Variants in GRIK1 observed in about 807,000 individuals in gnomAD.
GRIK1 encodes glutamate ionotropic receptor kainate type subunit 1.
A neutral mutation model predicts 105.7 loss-of-function variants in GRIK1; 69 were observed. The ratio of observed to expected loss-of-function variants is 0.65; its 90% CI spans 0.54 to 0.80. The LOEUF (loss-of-function observed/expected upper bound fraction) is 0.80, where lower values mean the gene tolerates loss of function less well. GRIK1 is among the 30% of genes least tolerant of loss of function. GRIK1 has a pLI of 0.00. For missense variants in GRIK1, 1,109 were observed against 1,167.3 expected, an observed-to-expected ratio of 0.95 and a Z score of 0.73; for synonymous variants, 438 against 431.3, an observed-to-expected ratio of 1.02 and a Z score of -0.19.
At chr21:29,682,618 T>A (rs560603960) in intron 3 of GRIK1, among the ~76,000 whole-genome samples, 1 of 152,354 alleles carries the variant, frequency 6.6e-6, no homozygotes, top group East Asian at 1.9e-4. Context: ...TTTCACTATA[T>A]ACAAACATTA....
In GRIK1 at chr21:29,583,459, C is replaced by A. The variant is rs117509120; in HGVS notation, c.1794-1916G>T. On this transcript the variant is annotated intron_variant, in intron 12 of 17. Transcript: ENST00000327783. Reference sequence around the variant, plus strand: ...TTCAAGAGAAGGGGTTTTATTTTTTCAAACAGACCGTAAGACTTGGCAACC... The same window carrying A: ...TTCAAGAGAAGGGGTTTTATTTTTTAAAACAGACCGTAAGACTTGGCAACC... Among the ~76,000 whole-genome samples, 560 of 152,082 alleles carry A rather than the reference C, an allele frequency of 3.7e-3. 2 individuals are homozygous for A. Among genetic ancestry groups the A allele is most frequent in the Admixed American group, 8.2e-3 (125 of 15,280 alleles).
intron 7 of GRIK1, among the ~76,000 whole-genome samples, chr21:29,629,950 G>A (rs966712726): frequency 5.3e-5 from 8 of 152,146 alleles, no homozygotes; most frequent in African/African-American, 1.9e-4. Context: ...GTTGGACACC[G>A]TGGATTTGCC....
chr21:29,589,514 C>G (rs1288520807), intron 10 of GRIK1, among the ~76,000 whole-genome samples: 2 of 151,908 alleles, frequency 1.3e-5, no homozygotes, highest in Non-Finnish European at 2.9e-5. Context: ...CTCCACCTCC[C>G]GGGTTCAAGC....
chr21:29,572,410 C>A (rs1483563385), intron 14 of GRIK1, among the ~76,000 whole-genome samples: 1 of 152,050 alleles, frequency 6.6e-6, no homozygotes, highest in African/African-American at 2.4e-5. Context: ...CCATCCACCT[C>A]TCTCCCTCCC....
chr21:29,785,461 G>A (rs955189669), intron 1 of GRIK1, among the ~76,000 whole-genome samples: 2 of 151,384 alleles, frequency 1.3e-5, no homozygotes, highest in African/African-American at 4.9e-5. Flanking sequence ...CTACTCGGGA[G>A]GTTGAGGCAG....
intron 1 of GRIK1, among the ~76,000 whole-genome samples, chr21:29,920,065 C>A (rs186274144): frequency 6.6e-6 from 1 of 152,200 alleles, no homozygotes; most frequent in East Asian, 1.9e-4. Context: ...AAGATTTAGG[C>A]AAAGAGAAAT....
intron 3 of GRIK1, among the ~76,000 whole-genome samples, chr21:29,676,753 ACATT>A (rs1233757594): frequency 1.3e-5 from 2 of 152,146 alleles, no homozygotes; most frequent in African/African-American, 4.8e-5. Context: ...CAATAGAGGG[ACATT>A]CAACAATAAA....
chr21:29,725,019 A>G (rs1198556048), intron 1 of GRIK1, among the ~76,000 whole-genome samples: 4 of 151,780 alleles, frequency 2.6e-5, no homozygotes, highest in African/African-American at 4.8e-5. Context: ...AAAAAAAAAA[A>G]AAAAAAAGAA....
intron 1 of GRIK1, among the ~76,000 whole-genome samples, chr21:29,873,070 A>C (rs1215040645): frequency 6.6e-6 from 1 of 152,188 alleles, no homozygotes. Flanking sequence ...CATAAATTGA[A>C]AGTCATTGAG....
In GRIK1 at chr21:29,846,753, C is replaced by T. The variant is rs1299292925; in HGVS notation, c.118+92630G>A. Among the ~76,000 whole-genome samples, 3 of 152,222 alleles carry T rather than the reference C, an allele frequency of 2.0e-5. No homozygotes were observed. The East Asian group carries it at 5.8e-4, about 29-fold the overall frequency. ...TTTGTTATCCTGTTTGATTTTGGTTCAGATTTGACAGTAGTTGGCAAATAT... is the reference window on the plus strand; with the variant it reads ...TTTGTTATCCTGTTTGATTTTGGTTTAGATTTGACAGTAGTTGGCAAATAT... On this transcript the variant is annotated intron_variant, in intron 1 of 17. Coordinates refer to ENST00000327783, the MANE Select transcript of GRIK1 (RefSeq NM_001330994.2).
intron 7 of GRIK1, among the ~76,000 whole-genome samples, chr21:29,611,832 AAGG>A (rs1407961573): frequency 6.6e-6 from 1 of 152,210 alleles, no homozygotes; most frequent in African/African-American, 2.4e-5. Flanking sequence ...CCCAAAATAA[AAGG>A]AGAAATAATT....
intron 7 of GRIK1, among the ~76,000 whole-genome samples, chr21:29,637,379 G>A (rs1481186618): frequency 2.6e-5 from 4 of 152,142 alleles, no homozygotes; most frequent in African/African-American, 7.2e-5. Flanking sequence ...TGGCTTCCTC[G>A]GCCCCTACAT....
chr21:29,598,667 C>A (rs925113323), intron 8 of GRIK1, 163 bp downstream of exon 8: 13 of 520,978 alleles, frequency 2.5e-5, no homozygotes, highest in Non-Finnish European at 4.4e-5. Context: ...TCTAGCACAT[C>A]AACTTCTATC....
At chr21:29,641,079 C>T (rs1340194448) in intron 7 of GRIK1, among the ~76,000 whole-genome samples, 1 of 152,154 alleles carries the variant, frequency 6.6e-6, no homozygotes, top group Non-Finnish European at 1.5e-5. Flanking sequence ...AAGCATTTGC[C>T]TAATTCTTTA....
chr21:29,851,111 A>G (rs895340233), intron 1 of GRIK1, among the ~76,000 whole-genome samples: 3 of 151,472 alleles, frequency 2.0e-5, no homozygotes, highest in Middle Eastern at 3.2e-3. Context: ...CTGGAGTACA[A>G]TGGTAAGATC....
At chr21:29,573,853 G>GAAAAAA (rs35503363) in intron 14 of GRIK1, among the ~76,000 whole-genome samples, 8 of 114,114 alleles carry the variant, frequency 7.0e-5, no homozygotes, top group African/African-American at 2.2e-4. Context: ...ACTCCGTCTG[G>GAAAAAA]AAAAAAAAAA....
At chr21:29,592,501 AT>A (rs1305970841) in intron 9 of GRIK1, among the ~76,000 whole-genome samples, 3 of 152,156 alleles carry the variant, frequency 2.0e-5, no homozygotes, top group Non-Finnish European at 2.9e-5. Flanking sequence ...ATTTTGAGCT[AT>A]TTTGTAAATG....
Position 29,645,780 on chromosome 21 carries a change from C to A in GRIK1, c.955-2811G>T, listed in dbSNP as rs568491231. 1.6e-3 allele frequency among the ~76,000 whole-genome samples: 244 copies of A among 152,260 alleles called. 2 individuals carry two copies. Among genetic ancestry groups the A allele is most frequent in the Non-Finnish European group, 2.4e-3 (165 of 68,012 alleles). On this transcript the variant is annotated intron_variant, in intron 6 of 17. Transcript: ENST00000327783. ...AACTGGCCTGTGTTCAAATTTTCTT[C>A]TTCCAAATGTGTTTCTGTTCACATT...
At chr21:29,674,660 C>G (rs2063232104) in intron 3 of GRIK1, among the ~76,000 whole-genome samples, 1 of 151,588 alleles carries the variant, frequency 6.6e-6, no homozygotes, top group South Asian at 2.1e-4. Context: ...CCCCCTTGCT[C>G]TCTCTCTCTC....
Sources: allele counts gnomAD v4.1 joint callset (sites outside exome capture counted in the v4.1 genomes callset), GRCh38; gene constraint gnomAD v4.1.1; transcripts MANE v1.5; gene names NCBI Gene and HGNC (gene_info 2026-07-23, HGNC 2026-07-21).